The following GRM7 variants were observed in gnomAD, a reference collection of about 807,000 sequenced individuals.
GRM7 encodes the protein metabotropic glutamate receptor 7.
GRM7 carries 35 observed loss-of-function variants against 84.5 expected under a neutral mutation model. The observed-to-expected ratio is 0.41, with a 90% CI of 0.32 to 0.55. The LOEUF is 0.55. Among genes scored for constraint, GRM7 ranks in the 20% least tolerant of loss-of-function variants. GRM7 has a pLI of 0.19. For synonymous variants in GRM7, 487 were observed against 455.1 expected (o/e 1.07, Z -0.89); for missense variants, 1,003 against 1,194.6 (o/e 0.84, Z 2.36).
intron 8 of GRM7, among the ~76,000 whole-genome samples, chr3:7,643,559 A>G (rs754427858): frequency 7.9e-5 from 12 of 152,234 alleles, no homozygotes; most frequent in Non-Finnish European, 1.5e-4. Context: ...ATTGTTGTAT[A>G]GGTCAGAAGC....
intron 4 of GRM7, among the ~76,000 whole-genome samples, chr3:7,354,502 A>G (rs1693301177): frequency 6.6e-6 from 1 of 152,150 alleles, no homozygotes; most frequent in African/African-American, 2.4e-5. Flanking sequence ...GAAAAGGCCA[A>G]ATGGAAGCCA....
intron 2 of GRM7, among the ~76,000 whole-genome samples, chr3:7,269,745 C>T (rs1321622090): frequency 6.6e-6 from 1 of 152,032 alleles, no homozygotes; most frequent in East Asian, 1.9e-4. Context: ...AATCCAGTCT[C>T]TGGACTTTCA....
chr3:7,727,642 C>A (rs1168126159), intron 9 of GRM7, among the ~76,000 whole-genome samples: 1 of 152,190 alleles, frequency 6.6e-6, no homozygotes, highest in African/African-American at 2.4e-5. Flanking sequence ...AAGTGACTTA[C>A]ATTCTCAAGC....
intron 1 of GRM7, among the ~76,000 whole-genome samples, chr3:6,963,403 A>G (rs1354874887): frequency 6.6e-6 from 1 of 152,236 alleles, no homozygotes; most frequent in African/African-American, 2.4e-5. Flanking sequence ...ACAAAGATGT[A>G]TAGATTACTG....
intron 5 of GRM7, among the ~76,000 whole-genome samples, chr3:7,441,475 G>C (rs1189442536): frequency 6.6e-6 from 1 of 152,062 alleles, no homozygotes; most frequent in Non-Finnish European, 1.5e-5. Flanking sequence ...CTTTTGCTGT[G>C]TAGAAGCTCT....
intron 1 of GRM7, among the ~76,000 whole-genome samples, chr3:6,964,064 A>C (rs1011452987): frequency 1.3e-5 from 2 of 152,128 alleles, no homozygotes; most frequent in African/African-American, 4.8e-5. Context: ...TTCCTTACTC[A>C]ATGCTTAATT....
chr3:7,049,177 C>T (rs189143437), intron 1 of GRM7, among the ~76,000 whole-genome samples: 182 of 152,042 alleles, frequency 1.2e-3, no homozygotes, highest in Middle Eastern at 3.4e-3. Context: ...AAATGTAGAG[C>T]CAAACCACAT....
chr3:7,564,834 G>A (rs1291896585), intron 7 of GRM7, among the ~76,000 whole-genome samples: 3 of 152,092 alleles, frequency 2.0e-5, no homozygotes, highest in African/African-American at 7.2e-5. Flanking sequence ...TTGAACCCAG[G>A]ACAGCCTGAC....
chr3:7,026,090 A>C (rs1327950299), intron 1 of GRM7, among the ~76,000 whole-genome samples: 1 of 152,176 alleles, frequency 6.6e-6, no homozygotes, highest in Non-Finnish European at 1.5e-5. Flanking sequence ...GTGCAGGGAA[A>C]AGAAGTGGAT....
intron 1 of GRM7, among the ~76,000 whole-genome samples, chr3:7,085,086 G>C (rs553050063): frequency 6.6e-6 from 1 of 152,238 alleles, no homozygotes; most frequent in African/African-American, 2.4e-5. Context: ...GGTTGCTTTA[G>C]AAGTCCATTG....
intron 1 of GRM7, among the ~76,000 whole-genome samples, chr3:6,889,717 G>C (rs1048125199): frequency 6.6e-6 from 1 of 152,026 alleles, no homozygotes; most frequent in African/African-American, 2.4e-5. Context: ...TCTCTGCCTG[G>C]CTTTGGTATC....
chr3:6,940,558 C>G (rs978548734), intron 1 of GRM7, among the ~76,000 whole-genome samples: 10 of 152,008 alleles, frequency 6.6e-5, no homozygotes, highest in Non-Finnish European at 1.3e-4. Context: ...ATTTTTACAA[C>G]CATTGAGAAA....
intron 7 of GRM7, among the ~76,000 whole-genome samples, chr3:7,570,413 T>C (rs111791255): frequency 1.2e-4 from 19 of 152,292 alleles, no homozygotes; most frequent in African/African-American, 4.3e-4. Flanking sequence ...ATTGGGTAAA[T>C]ACAGCCATTC....
intron 2 of GRM7, among the ~76,000 whole-genome samples, chr3:7,277,427 T>C (rs1332309494): frequency 6.6e-6 from 1 of 151,996 alleles, no homozygotes; most frequent in Non-Finnish European, 1.5e-5. Flanking sequence ...CAATCAGAAG[T>C]GGCATGGGGT....
rs572088923 is a variant in GRM7 at position 7,409,776 on chromosome 3, AT to A, written c.1034-5242del. On this transcript the variant is annotated intron_variant, in intron 4 of 9. Transcript: ENST00000357716. ...CCACCACGCCCGGCGAATTTTTTGTATTTTTAGTAGAGGTAGGGTTTCACCA... is the reference window on the plus strand; with the variant it reads ...CCACCACGCCCGGCGAATTTTTTGTATTTTAGTAGAGGTAGGGTTTCACCA... 4.2e-4 allele frequency among the ~76,000 whole-genome samples: 64 copies of A among 151,626 alleles called. No individual in the cohort carries two copies. The East Asian group carries it at 9.6e-3, about 23-fold the overall frequency.
At chr3:7,315,662 A>G (rs371183112) in intron 4 of GRM7, among the ~76,000 whole-genome samples, 65 of 152,336 alleles carry the variant, frequency 4.3e-4, no homozygotes, top group African/African-American at 1.4e-3. Context: ...CACAATAGGC[A>G]CATTGACCTC....
intron 2 of GRM7, among the ~76,000 whole-genome samples, chr3:7,207,693 C>A (rs1696285132): frequency 6.6e-6 from 1 of 152,118 alleles, no homozygotes; most frequent in Admixed American, 6.5e-5. Flanking sequence ...TGGGCTTCAG[C>A]TTAGGACACT....
chr3:7,357,147 G>A (rs1693445093), intron 4 of GRM7, among the ~76,000 whole-genome samples: 1 of 151,336 alleles, frequency 6.6e-6, no homozygotes, highest in South Asian at 2.1e-4. Flanking sequence ...TTATTAAATG[G>A]CAACTAGGAC....
chr3:7,200,603 G>A (rs944019508), intron 2 of GRM7, among the ~76,000 whole-genome samples: 2 of 152,124 alleles, frequency 1.3e-5, no homozygotes, highest in Non-Finnish European at 1.5e-5. Flanking sequence ...TCAGTATCAC[G>A]TGAAAGGAAC....
Sources: gnomAD v4.1 joint callset for allele counts (sites outside exome capture counted in the v4.1 genomes callset) on GRCh38, gnomAD v4.1.1 for gene constraint, MANE v1.5 for transcripts, NCBI Gene and HGNC (gene_info 2026-07-23, HGNC 2026-07-21) for gene names.